Variants in PIK3C3 observed in about 807,000 individuals in gnomAD.
The protein encoded by PIK3C3 is phosphatidylinositol 3-kinase catalytic subunit type 3.
A neutral mutation model predicts 126.1 loss-of-function variants in PIK3C3; 95 were observed. That is an observed-to-expected ratio of 0.75 (90% CI 0.64 to 0.89). PIK3C3 has a LOEUF of 0.89. Among genes scored for constraint, PIK3C3 ranks in the 40% least tolerant of loss-of-function variants. The pLI is 0.00. For missense variants in PIK3C3, 829 were observed against 1,063.2 expected (o/e 0.78, Z 3.06); for synonymous variants, 374 against 360.0 (o/e 1.04, Z -0.44).
At chr18:41,986,462 C>G (rs555668376) in intron 4 of PIK3C3, among the ~76,000 whole-genome samples, 1 of 152,022 alleles carries the variant, frequency 6.6e-6, no homozygotes, top group East Asian at 1.9e-4. Context: ...TATTTTGCAT[C>G]TATTACTTTA....
intron 4 of PIK3C3, chr18:41,970,757 G>A (rs1272059524): frequency 9.2e-6 from 5 of 544,562 alleles, no homozygotes; most frequent in Admixed American, 3.3e-5. Flanking sequence ...GCTCCCTGCA[G>A]TTAGTTCCAG....
chr18:42,009,690 GTACATTATGTAATGCT>G (rs910303578), intron 10 of PIK3C3, among the ~76,000 whole-genome samples: 1 of 143,832 alleles, frequency 7.0e-6, no homozygotes, highest in Non-Finnish European at 1.5e-5. Context: ...ATTATGTAAT[GTACATTATGTAATGCT>G]TACATTATGT....
At chr18:42,000,688 C>T (rs1015252887) in intron 9 of PIK3C3, among the ~76,000 whole-genome samples, 4 of 152,076 alleles carry the variant, frequency 2.6e-5, no homozygotes, top group African/African-American at 9.7e-5. Flanking sequence ...GGGGAGGCCT[C>T]ACAATCATGA....
At chr18:41,981,563 T>C (rs78981807) in intron 4 of PIK3C3, among the ~76,000 whole-genome samples, 1,644 of 152,284 alleles carry the variant, frequency 0.011, 28 homozygotes, top group African/African-American at 0.038. Flanking sequence ...CATAGGCATA[T>C]GCAAAGTCTC....
chr18:41,990,408 A>G (rs750855023), intron 5 of PIK3C3, 51 bp from the exon 6 acceptor site: 1 of 1,039,890 alleles, frequency 9.6e-7, no homozygotes, highest in Non-Finnish European at 1.5e-6. Context: ...CTGATCCTTT[A>G]AGAGAATGTT....
At chr18:41,999,479 G>A (rs1982181214) in intron 9 of PIK3C3, among the ~76,000 whole-genome samples, 1 of 152,160 alleles carries the variant, frequency 6.6e-6, no homozygotes, top group Non-Finnish European at 1.5e-5. Flanking sequence ...ACAGTGACAT[G>A]AGGACAATCA....
intron 4 of PIK3C3, among the ~76,000 whole-genome samples, chr18:41,985,954 T>C (rs1981452998): frequency 6.6e-6 from 1 of 152,120 alleles, no homozygotes; most frequent in African/African-American, 2.4e-5. Flanking sequence ...CAAACTTAAT[T>C]TACCATTGCC....
intron 20 of PIK3C3, among the ~76,000 whole-genome samples, chr18:42,044,641 C>T (rs1984480231): frequency 6.6e-6 from 1 of 152,130 alleles, no homozygotes; most frequent in African/African-American, 2.4e-5. Flanking sequence ...TGGTCTCAAA[C>T]TCCTGGGCTC....
intron 4 of PIK3C3, chr18:41,984,842 A>AT (rs1426263647): frequency 1.3e-5 from 2 of 152,144 alleles, no homozygotes; most frequent in Non-Finnish European, 2.9e-5. Context: ...CTTCCACATT[A>AT]TATTACCTTG....
chr18:42,035,270 A>C (rs964124052), intron 16 of PIK3C3, among the ~76,000 whole-genome samples: 1 of 152,150 alleles, frequency 6.6e-6, no homozygotes, highest in Non-Finnish European at 1.5e-5. Flanking sequence ...AGAACTCCCA[A>C]AGAAGACCAG....
intron 3 of PIK3C3, among the ~76,000 whole-genome samples, chr18:41,969,299 T>G (rs1980534918): frequency 6.6e-6 from 1 of 152,198 alleles, no homozygotes; most frequent in African/African-American, 2.4e-5. Flanking sequence ...GAGTAGACTT[T>G]ATGTTTGAAA....
Position 41,970,453 on chromosome 18 carries a change from C to T in PIK3C3, c.528C>T (p.Ala176=), listed in dbSNP as rs137966005. ...CAGAAGATCAGATGAGCCGTCTTGC[C>T]AAGGTAAAAAAAGTCATTTGGAACA... ...TLSEDQMSRL[A]KLTKAHRQGH... The change falls in exon 4 of 25, where the codon GCC becomes GCT. Residue 176 remains alanine (A), a synonymous_variant. Coordinates refer to ENST00000262039, the MANE Select transcript of PIK3C3 (RefSeq NM_002647.4). The T allele has an allele frequency of 1.2e-6, 2 of 1,613,578 alleles. No individual in the cohort carries two copies. The highest frequency in any genetic ancestry group is 1.7e-6 in the Non-Finnish European group (2 of 1,179,868).
intron 4 of PIK3C3, among the ~76,000 whole-genome samples, chr18:41,973,220 C>A (rs116695563): frequency 4.5e-4 from 68 of 151,932 alleles, no homozygotes; most frequent in African/African-American, 1.6e-3. Context: ...TTTTTTTCTG[C>A]AATGTGTATG....
In PIK3C3 at chr18:41,994,406, T is replaced by C. The variant is rs371292595; in HGVS notation, c.786+1065T>C. Among the ~76,000 whole-genome samples the C allele has an allele frequency of 2.2e-3, 337 of 152,274 alleles. 1 individual carries two copies. Among genetic ancestry groups the C allele is most frequent in the African/African-American group, 7.5e-3 (312 of 41,560 alleles). On this transcript the variant is annotated intron_variant, in intron 7 of 24. Coordinates refer to ENST00000262039, the MANE Select transcript of PIK3C3 (RefSeq NM_002647.4). ...GAAGAAATTCAGTTCAGCCTGCAGT[T>C]ATAGTTATTTGTTAAATGCAGAAAC... is the stretch of plus-strand genomic sequence containing the variant.
chr18:42,063,857 A>G (rs771452560), intron 22 of PIK3C3, among the ~76,000 whole-genome samples: 2 of 152,102 alleles, frequency 1.3e-5, no homozygotes, highest in African/African-American at 2.4e-5. Context: ...ATTTTTACTG[A>G]AACAGCTAAA....
intron 24 of PIK3C3, among the ~76,000 whole-genome samples, chr18:42,075,551 A>T (rs1312683570): frequency 6.6e-6 from 1 of 152,006 alleles, no homozygotes; most frequent in African/African-American, 2.4e-5. Flanking sequence ...CTTAATTCTC[A>T]CACCTGTGAA....
At chr18:42,037,902 A>C in intron 17 of PIK3C3, 82 bp downstream of exon 17, 1 of 1,275,208 alleles carries the variant, frequency 7.8e-7, no homozygotes, top group Non-Finnish European at 1.1e-6. Flanking sequence ...TTTATGGAAC[A>C]GAAGTATTTG....
At chr18:41,964,442 G>A (rs1980253943) in intron 3 of PIK3C3, among the ~76,000 whole-genome samples, 1 of 151,964 alleles carries the variant, frequency 6.6e-6, no homozygotes, top group Non-Finnish European at 1.5e-5. Context: ...TTAAATGAAA[G>A]AACAATAGTA....
chr18:42,039,822 A>T (rs1267795129), intron 18 of PIK3C3, among the ~76,000 whole-genome samples: 2 of 152,202 alleles, frequency 1.3e-5, no homozygotes, highest in East Asian at 3.9e-4. Flanking sequence ...GCAGTGTCAA[A>T]CATCTATTTT....
Sources: allele counts gnomAD v4.1 joint callset (sites outside exome capture counted in the v4.1 genomes callset), GRCh38; gene constraint gnomAD v4.1.1; transcripts MANE v1.5; gene names NCBI Gene and HGNC (gene_info 2026-07-23, HGNC 2026-07-21).